Variants in CNTN4 observed in about 807,000 individuals in gnomAD.
CNTN4 encodes the protein contactin 4, also known as contactin-4.
In CNTN4, 77 loss-of-function variants were observed where a neutral mutation model predicts 122.5. The ratio of observed to expected loss-of-function variants is 0.63; its 90% CI spans 0.52 to 0.76. The LOEUF (loss-of-function observed/expected upper bound fraction) is 0.76, where lower values mean the gene tolerates loss of function less well. CNTN4 is among the 30% of genes least tolerant of loss of function. The pLI is 0.00. For synonymous variants in CNTN4, 512 were observed against 447.0 expected (o/e 1.15, Z -1.83); for missense variants, 1,256 against 1,259.1 (o/e 1.00, Z 0.04).
intron 2 of CNTN4, among the ~76,000 whole-genome samples, chr3:2,161,213 G>T (rs570005441): frequency 6.6e-6 from 1 of 152,212 alleles, no homozygotes; most frequent in East Asian, 1.9e-4. Flanking sequence ...GAAGCAAGGG[G>T]ATGCTGGAGG....
Position 2,259,685 on chromosome 3 carries a change from A to G in CNTN4, c.-144-79493A>G, listed in dbSNP as rs1020685830. 3.9e-5 allele frequency among the ~76,000 whole-genome samples: 6 copies of G among 152,188 alleles called. 1 individual carries two copies. The highest frequency in any genetic ancestry group is 1.4e-4 in the African/African-American group (6 of 41,442). On this transcript the variant is annotated intron_variant, in intron 2 of 24. Transcript: ENST00000418658. ...GAGATGTATTCACAACCACGAGAAC[A>G]GTATGGGGCAAACCACCCGTATGAT...
At chr3:2,760,974 T>A (rs1012966088) in intron 6 of CNTN4, among the ~76,000 whole-genome samples, 2 of 152,208 alleles carry the variant, frequency 1.3e-5, no homozygotes, top group African/African-American at 4.8e-5. Context: ...AGAAATATTT[T>A]TCTCTAGGCA....
Position 2,892,063 on chromosome 3 carries a change from G to T in CNTN4, c.940+4839G>T, listed in dbSNP as rs528664652. Among the ~76,000 whole-genome samples the T allele has an allele frequency of 1.6e-4, 25 of 152,308 alleles. No homozygotes were observed. The South Asian group carries it at 4.8e-3, about 29-fold the overall frequency. Reference sequence around the variant, plus strand: ...TACATCTGTCTAGTTTATAGATATGGAAATTGAGTCCCAAAGAGATTAAAG... The same window carrying T: ...TACATCTGTCTAGTTTATAGATATGTAAATTGAGTCCCAAAGAGATTAAAG... On this transcript the variant is annotated intron_variant, in intron 10 of 24. Transcript: ENST00000418658.
chr3:2,508,461 A>C (rs1218190113), intron 3 of CNTN4, among the ~76,000 whole-genome samples: 1 of 152,170 alleles, frequency 6.6e-6, no homozygotes, highest in African/African-American at 2.4e-5. Context: ...TTAAGCCTCA[A>C]ACTGTTGGGA....
intron 22 of CNTN4, 44 bp from the exon 23 acceptor site, chr3:3,043,548 A>G (rs774278455): frequency 1.4e-5 from 20 of 1,411,536 alleles, no homozygotes; most frequent in Non-Finnish European, 1.7e-5. Flanking sequence ...GAATCCATTG[A>G]GACTTAATAA....
intron 2 of CNTN4, among the ~76,000 whole-genome samples, chr3:2,170,584 C>G (rs1483254718): frequency 6.6e-6 from 1 of 152,078 alleles, no homozygotes; most frequent in African/African-American, 2.4e-5. Context: ...AAGTAAAAAT[C>G]TTTACAGTTT....
rs143381604 is a variant in CNTN4 at position 2,123,521 on chromosome 3, GGATGCTCA to G, written c.-145+22895_-145+22902del. ...AGCTTTTGCACCCCTGTACTTAGAG[GGATGCTCA>G]GATGCTCAGATGTCTTTGCTACTGC... On this transcript the variant is annotated intron_variant, in intron 2 of 24. Transcript: ENST00000418658. Among the ~76,000 whole-genome samples the G allele has an allele frequency of 1.9e-3, 292 of 152,216 alleles. 1 individual carries two copies. The highest frequency in any genetic ancestry group is 6.8e-3 in the African/African-American group (281 of 41,532).
chr3:2,695,575 T>C (rs2085982556), intron 4 of CNTN4, among the ~76,000 whole-genome samples: 1 of 152,222 alleles, frequency 6.6e-6, no homozygotes, highest in African/African-American at 2.4e-5. Flanking sequence ...TGTAACAGGT[T>C]TTGTGATAGA....
intron 4 of CNTN4, among the ~76,000 whole-genome samples, chr3:2,722,074 CTGT>C (rs549773447): frequency 1.9e-4 from 29 of 152,318 alleles, no homozygotes; most frequent in African/African-American, 6.7e-4. Context: ...CAATAAATTT[CTGT>C]TGTTATGAAG....
At chr3:2,850,339 AT>A (rs1195298391) in intron 7 of CNTN4, among the ~76,000 whole-genome samples, 1 of 152,116 alleles carries the variant, frequency 6.6e-6, no homozygotes. Flanking sequence ...GAACACAGCT[AT>A]TTTCCAGATC....
chr3:2,218,311 T>G (rs908419218), intron 2 of CNTN4, among the ~76,000 whole-genome samples: 4 of 152,218 alleles, frequency 2.6e-5, no homozygotes, highest in Admixed American at 6.5e-5. Flanking sequence ...TATATTTTTA[T>G]TTTTTATGAA....
intron 3 of CNTN4, among the ~76,000 whole-genome samples, chr3:2,373,690 G>A (rs189549702): frequency 9.2e-5 from 14 of 152,172 alleles, no homozygotes; most frequent in African/African-American, 2.9e-4. Context: ...TAACATCGGC[G>A]CCTAAAATAA....
At chr3:2,449,031 T>C (rs1195940473) in intron 3 of CNTN4, among the ~76,000 whole-genome samples, 1 of 152,102 alleles carries the variant, frequency 6.6e-6, no homozygotes, top group African/African-American at 2.4e-5. Flanking sequence ...ATAAAAAAGG[T>C]CACAGTTTTC....
chr3:2,402,975 T>C (rs920582440), intron 3 of CNTN4, among the ~76,000 whole-genome samples: 14 of 152,088 alleles, frequency 9.2e-5, no homozygotes, highest in Admixed American at 4.6e-4. Context: ...ATAAATTTAT[T>C]GTCTTATCGT....
intron 8 of CNTN4, among the ~76,000 whole-genome samples, chr3:2,872,793 T>C (rs2093801492): frequency 6.6e-6 from 1 of 152,164 alleles, no homozygotes; most frequent in Non-Finnish European, 1.5e-5. Context: ...AGATATATTG[T>C]CTTTGGGGGT....
chr3:2,661,945 C>T (rs1020642646), intron 4 of CNTN4, among the ~76,000 whole-genome samples: 1 of 152,016 alleles, frequency 6.6e-6, no homozygotes, highest in Non-Finnish European at 1.5e-5. Context: ...GAACCCAACC[C>T]CCTGCCACCT....
chr3:2,499,786 A>G (rs1460457555), intron 3 of CNTN4, among the ~76,000 whole-genome samples: 1 of 152,150 alleles, frequency 6.6e-6, no homozygotes, highest in Non-Finnish European at 1.5e-5. Flanking sequence ...AGGGAGTTTG[A>G]TAAGAATTTT....
chr3:2,585,469 G>C (rs1389239923), intron 4 of CNTN4, among the ~76,000 whole-genome samples: 1 of 152,112 alleles, frequency 6.6e-6, no homozygotes, highest in African/African-American at 2.4e-5. Context: ...ACTGGATTAA[G>C]AAAACGTGGC....
At chr3:2,422,698 A>G (rs1405240204) in intron 3 of CNTN4, among the ~76,000 whole-genome samples, 1 of 152,224 alleles carries the variant, frequency 6.6e-6, no homozygotes, top group Non-Finnish European at 1.5e-5. Context: ...AGAATTGGAA[A>G]GAAATACATT....
Sources: allele counts gnomAD v4.1 joint callset (sites outside exome capture counted in the v4.1 genomes callset), GRCh38; gene constraint gnomAD v4.1.1; transcripts MANE v1.5; gene names NCBI Gene and HGNC (gene_info 2026-07-23, HGNC 2026-07-21).